The following ASIC2 variants were observed in gnomAD, a reference collection of about 807,000 sequenced individuals.
ASIC2 encodes the protein acid sensing ion channel subunit 2.
A neutral mutation model predicts 57.3 loss-of-function variants in ASIC2; 25 were observed. The ratio of observed to expected loss-of-function variants is 0.44; its 90% CI spans 0.32 to 0.61. ASIC2 has a LOEUF of 0.61. Ranked by LOEUF, ASIC2 falls within the 20% of genes least tolerant of loss-of-function variation. ASIC2 has a pLI of 0.06. For synonymous variants in ASIC2, 319 were observed against 307.5 expected, an observed-to-expected ratio of 1.04 and a Z score of -0.39; for missense variants, 641 against 738.1, an observed-to-expected ratio of 0.87 and a Z score of 1.52.
chr17:33,929,633 A>G (rs1409889769), intron 1 of ASIC2, among the ~76,000 whole-genome samples: 1 of 152,210 alleles, frequency 6.6e-6, no homozygotes, highest in African/African-American at 2.4e-5. Flanking sequence ...CAGCCTCAGG[A>G]GGACAGGAAG....
intron 1 of ASIC2, among the ~76,000 whole-genome samples, chr17:33,157,885 T>C (rs1905051533): frequency 6.6e-6 from 1 of 152,240 alleles, no homozygotes; most frequent in African/African-American, 2.4e-5. Flanking sequence ...GTAGACTCTC[T>C]GAGCTCATCA....
chr17:33,397,580 GGCA>G lies in ASIC2; in HGVS notation c.556-285516_556-285514del, dbSNP rs74617483. Among the ~76,000 whole-genome samples, 627 of 152,300 alleles carry G rather than the reference GGCA, an allele frequency of 4.1e-3. 2 individuals are homozygous for G. The highest frequency in any genetic ancestry group is 5.0e-3 in the Non-Finnish European group (342 of 68,030). The stretch of plus-strand genomic sequence containing the variant: ...GACATGTGAGGGGAGAGAAGCTGGT[GGCA>G]GCAGGTTCCTCTAAAGAACATTGGA... On this transcript the variant is annotated intron_variant, in intron 1 of 9. Transcript: ENST00000359872.
At chr17:34,126,171 A>G (rs1316621060) in intron 1 of ASIC2, among the ~76,000 whole-genome samples, 1 of 152,234 alleles carries the variant, frequency 6.6e-6, no homozygotes, top group African/African-American at 2.4e-5. Flanking sequence ...ATTATACAGG[A>G]AGAGGCTTGG....
At position 33,310,816 on chromosome 17, in the gene ASIC2, T is replaced by C. The variant is rs145554353; in HGVS notation, c.556-198749A>G. Among the ~76,000 whole-genome samples, 3 of 152,354 alleles carry C rather than the reference T, an allele frequency of 2.0e-5. No homozygotes were observed. The East Asian group carries it at 5.8e-4, about 29-fold the overall frequency. On this transcript the variant is annotated intron_variant, in intron 1 of 9. Coordinates refer to the ASIC2 transcript ENST00000359872. ...GGAAAACTTTTCTTATCCAAATATA[T>C]AGATAGATATAGGTAAGAGATAGAG... is the stretch of plus-strand genomic sequence containing the variant.
At chr17:33,766,482 G>A (rs1442492070) in intron 1 of ASIC2, among the ~76,000 whole-genome samples, 1 of 152,150 alleles carries the variant, frequency 6.6e-6, no homozygotes, top group African/African-American at 2.4e-5. Flanking sequence ...TATAATCCAG[G>A]AACAATGGGC....
chr17:33,718,387 C>T (rs1597848200), intron 1 of ASIC2, among the ~76,000 whole-genome samples: 1 of 151,622 alleles, frequency 6.6e-6, no homozygotes, highest in East Asian at 2.0e-4. Flanking sequence ...CTGTCTAGGC[C>T]AATAGGTGGA....
chr17:33,953,791 A>G (rs1944770026), intron 1 of ASIC2, among the ~76,000 whole-genome samples: 1 of 152,142 alleles, frequency 6.6e-6, no homozygotes, highest in South Asian at 2.1e-4. Context: ...GTGTCATTCA[A>G]TGCTGGGGAT....
chr17:33,300,506 C>T (rs1905912609), intron 1 of ASIC2, among the ~76,000 whole-genome samples: 1 of 152,188 alleles, frequency 6.6e-6, no homozygotes, highest in Admixed American at 6.5e-5. Flanking sequence ...TTGCTAGATA[C>T]CCTAATGGAT....
intron 1 of ASIC2, among the ~76,000 whole-genome samples, chr17:33,278,661 C>G (rs1904811402): frequency 1.3e-5 from 2 of 152,102 alleles, no homozygotes; most frequent in South Asian, 4.1e-4. Flanking sequence ...CTCCATTTCC[C>G]TCTGTATCCC....
chr17:33,160,080 A>G (rs533425334), intron 1 of ASIC2, among the ~76,000 whole-genome samples: 54 of 152,214 alleles, frequency 3.5e-4, no homozygotes, highest in African/African-American at 1.3e-3. Flanking sequence ...ATGGTGGTGC[A>G]CACCTGTAAT....
At chr17:33,014,621 A>G (rs143981172) in intron 9 of ASIC2, among the ~76,000 whole-genome samples, 4 of 152,048 alleles carry the variant, frequency 2.6e-5, no homozygotes, top group Admixed American at 2.0e-4. Context: ...CTGGCCGCAC[A>G]TGAATCTTCA....
At chr17:33,318,824 G>A (rs1906757391) in intron 1 of ASIC2, among the ~76,000 whole-genome samples, 1 of 152,114 alleles carries the variant, frequency 6.6e-6, no homozygotes. Flanking sequence ...GGCCCTTTTG[G>A]TTTTGAAGTT....
At chr17:33,067,380 G>A (rs2092047933) in intron 3 of ASIC2, among the ~76,000 whole-genome samples, 1 of 152,176 alleles carries the variant, frequency 6.6e-6, no homozygotes, top group Admixed American at 6.5e-5. Flanking sequence ...TATATGAGTA[G>A]CTAGAGGAGA....
intron 1 of ASIC2, among the ~76,000 whole-genome samples, chr17:33,260,390 G>T (rs1010081437): frequency 1.3e-5 from 2 of 152,146 alleles, no homozygotes; most frequent in African/African-American, 4.8e-5. Flanking sequence ...AACTCTGCAG[G>T]GGCCAGTTGG....
chr17:33,447,962 T>C (rs1912092036), intron 1 of ASIC2, among the ~76,000 whole-genome samples: 1 of 145,574 alleles, frequency 6.9e-6, no homozygotes, highest in South Asian at 2.2e-4. Context: ...GCAATGAATA[T>C]CCCAAGTATA....
At chr17:34,087,708 G>C (rs1260361936) in intron 1 of ASIC2, among the ~76,000 whole-genome samples, 1 of 151,862 alleles carries the variant, frequency 6.6e-6, no homozygotes, top group Non-Finnish European at 1.5e-5. Flanking sequence ...TTTTCACATA[G>C]TCCCATATTT....
chr17:33,824,085 A>G (rs1912834322), intron 1 of ASIC2, among the ~76,000 whole-genome samples: 1 of 152,196 alleles, frequency 6.6e-6, no homozygotes, highest in African/African-American at 2.4e-5. Flanking sequence ...TTATAAGGAA[A>G]TGACCCACAG....
At chr17:33,999,220 T>G (rs746578043) in intron 1 of ASIC2, among the ~76,000 whole-genome samples, 5 of 152,166 alleles carry the variant, frequency 3.3e-5, no homozygotes, top group Non-Finnish European at 5.9e-5. Context: ...GAATACCTTT[T>G]TCTGTCCCTT....
chr17:33,685,594 G>C (rs931379520), intron 1 of ASIC2, among the ~76,000 whole-genome samples: 19 of 152,222 alleles, frequency 1.2e-4, no homozygotes, highest in Non-Finnish European at 8.8e-5. Context: ...GGAAAACAAG[G>C]AATGGGCCTA....
Sources: allele counts gnomAD v4.1 joint callset (sites outside exome capture counted in the v4.1 genomes callset), GRCh38; gene constraint gnomAD v4.1.1; transcripts MANE v1.5; gene names NCBI Gene and HGNC (gene_info 2026-07-23, HGNC 2026-07-21).